The following ALPL variants were observed in gnomAD, a reference collection of about 807,000 sequenced individuals.
ALPL encodes alkaline phosphatase, biomineralization associated.
In ALPL, 42 loss-of-function variants were observed where a neutral mutation model predicts 51.3. That is an observed-to-expected ratio of 0.82 (90% CI 0.64 to 1.06). ALPL has a LOEUF of 1.06. ALPL is among the 50% of genes least tolerant of loss of function. ALPL has a pLI of 0.00. For missense variants in ALPL, 589 were observed against 709.4 expected (o/e 0.83, Z 1.93); for synonymous variants, 279 against 296.4 (o/e 0.94, Z 0.60).
intron 1 of ALPL, among the ~76,000 whole-genome samples, chr1:21,531,681 G>A (rs528406131): frequency 6.6e-6 from 1 of 152,304 alleles, no homozygotes; most frequent in South Asian, 2.1e-4. Flanking sequence ...TGTGGGCTTT[G>A]CCAGGAGGCA....
At chr1:21,537,094 C>T (rs1191945345) in intron 1 of ALPL, among the ~76,000 whole-genome samples, 1 of 152,152 alleles carries the variant, frequency 6.6e-6, no homozygotes, top group East Asian at 1.9e-4. Flanking sequence ...GACAGGGTTT[C>T]ACTGTGTTAG....
intron 1 of ALPL, among the ~76,000 whole-genome samples, chr1:21,516,520 T>C (rs1643803907): frequency 6.6e-6 from 1 of 152,204 alleles, no homozygotes; most frequent in South Asian, 2.1e-4. Context: ...GCAGGTGCTA[T>C]TATCCCCACA....
chr1:21,539,355 T>C (rs1157504617), intron 1 of ALPL, among the ~76,000 whole-genome samples: 1 of 152,246 alleles, frequency 6.6e-6, no homozygotes, highest in Non-Finnish European at 1.5e-5. Flanking sequence ...GCCTGGCACA[T>C]AATAAGGTCT....
At position 21,575,790 on chromosome 1, in the gene ALPL, C is replaced by T. The variant is rs1212356217; in HGVS notation, c.1055C>T (p.Ala352Val). 8 of 1,614,096 alleles carry T rather than the reference C, an allele frequency of 5.0e-6. No homozygotes were observed. The highest frequency in any genetic ancestry group is 1.6e-4 in the Middle Eastern group (1 of 6,084). Residue 352 changes from alanine (A) to valine (V), a missense_variant, in exon 10 of 12, where the codon GCG (alanine) becomes GTG (valine). By Grantham distance (64) the Ala-to-Val change is moderately conservative (BLOSUM62 0). Coordinates refer to ENST00000374840, the MANE Select transcript of ALPL (RefSeq NM_000478.6). ...EGKAKQALHE[A>V]VEMDRAIGQA... is the part of the protein sequence containing the mutation. ...AAAGCCAAGCAGGCCCTGCATGAGG[C>T]GGTGGAGATGGACCGGGCCATCGGG... is the stretch of plus-strand genomic sequence containing the variant.
At chr1:21,562,899 G>C (rs138752516) in intron 4 of ALPL, among the ~76,000 whole-genome samples, 23 of 152,316 alleles carry the variant, frequency 1.5e-4, no homozygotes, top group African/African-American at 5.5e-4. Context: ...TCCTGCCCCA[G>C]TGCTGCCAGG....
chr1:21,543,798 A>G (rs994963250), intron 1 of ALPL, among the ~76,000 whole-genome samples: 1 of 152,130 alleles, frequency 6.6e-6, no homozygotes, highest in African/African-American at 2.4e-5. Flanking sequence ...GGGGCTCCCT[A>G]AGGGCAAATA....
chr1:21,528,533 G>T (rs1643983899), intron 1 of ALPL, among the ~76,000 whole-genome samples: 1 of 151,030 alleles, frequency 6.6e-6, no homozygotes. Context: ...TGTATTTTTA[G>T]TAGAGATGAG....
intron 1 of ALPL, among the ~76,000 whole-genome samples, chr1:21,528,672 TA>T (rs1643986535): frequency 6.6e-6 from 1 of 152,078 alleles, no homozygotes; most frequent in South Asian, 2.1e-4. Context: ...TTCTTAATGG[TA>T]TGTTTTGATA....
chr1:21,557,545 G>A (rs1484266084), intron 2 of ALPL, among the ~76,000 whole-genome samples: 1 of 152,228 alleles, frequency 6.6e-6, no homozygotes, highest in Non-Finnish European at 1.5e-5. Context: ...AAGGGAAAAG[G>A]TGAAAAAGTG....
chr1:21,574,141 C>T (rs960943826), intron 9 of ALPL: 3 of 985,376 alleles, frequency 3.0e-6, no homozygotes, highest in African/African-American at 3.5e-5. Context: ...AATCCGCAGG[C>T]CCCGGCTTTC....
At chr1:21,570,279 T>C (rs1166151769) in intron 7 of ALPL, 26 bp from the exon 8 acceptor site, 1 of 1,612,764 alleles carries the variant, frequency 6.2e-7, no homozygotes, top group Non-Finnish European at 8.5e-7. Context: ...GCCCCCGGCA[T>C]GTGCTGACAC....
chr1:21,577,903 A>C lies in ALPL; in HGVS notation c.*255A>C, dbSNP rs1644765224. On this transcript the variant is annotated 3_prime_UTR_variant, in exon 12 of 12. Transcript: ENST00000374840. ...CCAACAGGGTAGATTTCTCTTGGGCAGGCAGAGAGTACAGACTGCAGACAT... is the reference window on the plus strand; with the variant it reads ...CCAACAGGGTAGATTTCTCTTGGGCCGGCAGAGAGTACAGACTGCAGACAT... 1 of 595,598 alleles carries C rather than the reference A, an allele frequency of 1.7e-6. No individual in the cohort carries two copies. 36.9% of individuals were successfully genotyped at this position (595,598 alleles called of 1,614,324 possible).
intron 1 of ALPL, among the ~76,000 whole-genome samples, chr1:21,548,206 C>T (rs1172467207): frequency 2.0e-5 from 3 of 152,358 alleles, no homozygotes; most frequent in South Asian, 2.1e-4. Flanking sequence ...CCCCCACAGC[C>T]CCAAACTGGG....
At chr1:21,545,847 C>T (rs1380760412) in intron 1 of ALPL, among the ~76,000 whole-genome samples, 1 of 152,036 alleles carries the variant, frequency 6.6e-6, no homozygotes, top group Non-Finnish European at 1.5e-5. Context: ...GACAGAGTCT[C>T]GCTCTGTTGC....
chr1:21,575,119 T>C (rs1167677461), intron 9 of ALPL, among the ~76,000 whole-genome samples: 3 of 152,208 alleles, frequency 2.0e-5, no homozygotes, highest in Non-Finnish European at 4.4e-5. Context: ...GCCCAGGCAC[T>C]GGGGACTTTC....
At chr1:21,523,030 A>G (rs1643899626) in intron 1 of ALPL, among the ~76,000 whole-genome samples, 1 of 152,174 alleles carries the variant, frequency 6.6e-6, no homozygotes, top group Admixed American at 6.5e-5. Context: ...CCCTGCCTGT[A>G]ATCCCAGCAC....
chr1:21,569,641 C>T (rs1049348959), intron 7 of ALPL, among the ~76,000 whole-genome samples: 4 of 152,184 alleles, frequency 2.6e-5, no homozygotes, highest in Non-Finnish European at 5.9e-5. Flanking sequence ...CTGAGGCTTG[C>T]AAAGCCACTG....
intron 2 of ALPL, among the ~76,000 whole-genome samples, chr1:21,558,308 G>C (rs992638403): frequency 1.2e-4 from 18 of 152,202 alleles, no homozygotes; most frequent in Non-Finnish European, 2.5e-4. Flanking sequence ...CCTCCAAGCT[G>C]TTAAGTCAGG....
chr1:21,561,104 T>G lies in ALPL; in HGVS notation c.189T>G (p.Gly63=), dbSNP rs1570269466. The change falls in exon 4 of 12, where the codon GGT becomes GGG. Residue 63 remains glycine, a synonymous_variant. Coordinates refer to ENST00000374840, the MANE Select transcript of ALPL (RefSeq NM_000478.6). ...CCCCACTCCCCACTGCAGGGATGGG[T>G]GTCTCCACAGTGACGGCTGCCCGCA... ...NVIMFLGDGM[G]VSTVTAARIL... is the part of the protein sequence containing the mutation. 1.2e-6 allele frequency: 2 copies of G among 1,608,382 alleles called. No individual in the cohort carries two copies. The highest frequency in any genetic ancestry group is 1.7e-6 in the Non-Finnish European group (2 of 1,177,650).
Sources: gnomAD v4.1 joint callset for allele counts (sites outside exome capture counted in the v4.1 genomes callset) on GRCh38, gnomAD v4.1.1 for gene constraint, MANE v1.5 for transcripts, NCBI Gene and HGNC (gene_info 2026-07-23, HGNC 2026-07-21) for gene names.